The following ZNF100 variants were observed in gnomAD, a reference collection of about 807,000 sequenced individuals.
ZNF100 encodes the protein zinc finger protein 100.
ZNF100 carries 12 observed loss-of-function variants against 15.8 expected under a neutral mutation model. The observed-to-expected ratio is 0.76, with a 90% CI of 0.49 to 1.23. The LOEUF is 1.23. Among genes scored for constraint, ZNF100 ranks in the 50% most tolerant of loss-of-function variants. ZNF100 has a pLI of 0.00. For synonymous variants in ZNF100, 226 were observed against 214.8 expected (o/e 1.05, Z -0.45); for missense variants, 670 against 635.6 (o/e 1.05, Z -0.58).
At chr19:21,736,479 C>T (rs1192745210) in intron 4 of ZNF100, among the ~76,000 whole-genome samples, 1 of 152,196 alleles carries the variant, frequency 6.6e-6, no homozygotes, top group African/African-American at 2.4e-5. Context: ...ACTGCCAATA[C>T]TAGACAGATC....
chr19:21,739,856 A>T (rs1397239937), intron 4 of ZNF100, among the ~76,000 whole-genome samples: 1 of 152,148 alleles, frequency 6.6e-6, no homozygotes, highest in Admixed American at 6.5e-5. Context: ...AAATTAAAAC[A>T]CATTCTTCAA....
At chr19:21,738,168 T>C (rs904173649) in intron 4 of ZNF100, among the ~76,000 whole-genome samples, 8 of 142,858 alleles carry the variant, frequency 5.6e-5, no homozygotes, top group African/African-American at 2.1e-4. Flanking sequence ...GGGGAACTGC[T>C]TGAACCCAGG....
chr19:21,739,735 G>A (rs984433257), intron 4 of ZNF100, among the ~76,000 whole-genome samples: 2 of 152,208 alleles, frequency 1.3e-5, no homozygotes, highest in Non-Finnish European at 2.9e-5. Flanking sequence ...ACCATTTTGG[G>A]AGGCTGAGGC....
intron 4 of ZNF100, among the ~76,000 whole-genome samples, chr19:21,728,774 A>G (rs1213503459): frequency 2.0e-5 from 3 of 152,034 alleles, no homozygotes; most frequent in Non-Finnish European, 4.4e-5. Flanking sequence ...CCATAAAAAT[A>G]TAAAATTTTA....
At chr19:21,760,671 A>G (rs2036467990) in intron 2 of ZNF100, among the ~76,000 whole-genome samples, 1 of 151,848 alleles carries the variant, frequency 6.6e-6, no homozygotes, top group Admixed American at 6.6e-5. Context: ...GTAGTCCACT[A>G]TAAGACAATG....
intron 2 of ZNF100, among the ~76,000 whole-genome samples, chr19:21,761,737 T>C (rs1335293235): frequency 6.6e-6 from 1 of 152,200 alleles, no homozygotes. Flanking sequence ...AACTTGAAGA[T>C]GGCATATCTT....
At chr19:21,763,254 A>G (rs1282810393) in intron 2 of ZNF100, among the ~76,000 whole-genome samples, 1 of 151,738 alleles carries the variant, frequency 6.6e-6, no homozygotes, top group Non-Finnish European at 1.5e-5. Context: ...TTGGATTGGG[A>G]CCCTTTTCGG....
At chr19:21,736,290 G>C (rs2036007665) in intron 4 of ZNF100, among the ~76,000 whole-genome samples, 1 of 151,958 alleles carries the variant, frequency 6.6e-6, no homozygotes, top group African/African-American at 2.4e-5. Context: ...GTTTCACCAT[G>C]TCTAGGCTGG....
intron 4 of ZNF100, among the ~76,000 whole-genome samples, chr19:21,741,938 A>G (rs2036116889): frequency 1.3e-5 from 2 of 152,082 alleles, no homozygotes; most frequent in South Asian, 2.1e-4. Context: ...TTGACCTCCC[A>G]AAATCCTGGG....
intron 4 of ZNF100, 49 bp downstream of exon 4, chr19:21,743,968 A>C (rs368175790): frequency 2.0e-6 from 3 of 1,524,788 alleles, no homozygotes; most frequent in African/African-American, 2.9e-5. Context: ...TTTCTTTTTG[A>C]CCTTTGGACC....
intron 1 of ZNF100, 89 bp from the exon 2 acceptor site, chr19:21,765,875 GTAC>G: frequency 3.0e-6 from 4 of 1,315,314 alleles, no homozygotes; most frequent in Non-Finnish European, 4.3e-6. Flanking sequence ...TCCACAGATA[GTAC>G]TGAAACCCAG....
intron 4 of ZNF100, among the ~76,000 whole-genome samples, chr19:21,743,499 G>A (rs1041457551): frequency 6.6e-5 from 10 of 151,952 alleles, no homozygotes; most frequent in Admixed American, 6.6e-5. Context: ...AAGCAGAGGG[G>A]TATTATACTT....
chr19:21,747,068 A>C (rs748655642), intron 2 of ZNF100, among the ~76,000 whole-genome samples: 5 of 152,146 alleles, frequency 3.3e-5, no homozygotes, highest in Non-Finnish European at 5.9e-5. Context: ...GTAAAAATGT[A>C]AGTTTCTCCT....
chr19:21,731,312 TA>T (rs781578709), intron 4 of ZNF100, among the ~76,000 whole-genome samples: 4,768 of 146,962 alleles, frequency 0.032, 328 homozygotes, highest in African/African-American at 0.1. Flanking sequence ...CTTTTTTTTT[TA>T]TTTTTTATTT....
At chr19:21,741,635 A>G (rs1453159175) in intron 4 of ZNF100, among the ~76,000 whole-genome samples, 1 of 151,778 alleles carries the variant, frequency 6.6e-6, no homozygotes, top group African/African-American at 2.4e-5. Flanking sequence ...TCAGCATCTC[A>G]AAGTGCTAGG....
chr19:21,742,024 C>T (rs1214985618), intron 4 of ZNF100, among the ~76,000 whole-genome samples: 2 of 152,036 alleles, frequency 1.3e-5, no homozygotes, highest in East Asian at 1.9e-4. Context: ...AGGCTGGGCG[C>T]GGTGGCCCAT....
At chr19:21,758,417 A>G (rs2145740534) in intron 2 of ZNF100, among the ~76,000 whole-genome samples, 1 of 152,312 alleles carries the variant, frequency 6.6e-6, no homozygotes, top group South Asian at 2.1e-4. Context: ...GTACACGTGT[A>G]GAAAAAGAAA....
At chr19:21,755,462 G>A (rs1248725108) in intron 2 of ZNF100, among the ~76,000 whole-genome samples, 3 of 152,106 alleles carry the variant, frequency 2.0e-5, no homozygotes, top group African/African-American at 7.2e-5. Flanking sequence ...TGGAGAAATA[G>A]TAACACTTTT....
intron 2 of ZNF100, among the ~76,000 whole-genome samples, chr19:21,759,854 T>C (rs887643915): frequency 2.6e-5 from 4 of 152,198 alleles, no homozygotes; most frequent in African/African-American, 9.6e-5. Flanking sequence ...AACCAGCCTA[T>C]GGAGAAAGCC....
Sources: gnomAD v4.1 joint callset for allele counts (sites outside exome capture counted in the v4.1 genomes callset) on GRCh38, gnomAD v4.1.1 for gene constraint, MANE v1.5 for transcripts, NCBI Gene and HGNC (gene_info 2026-07-23, HGNC 2026-07-21) for gene names.